The following BCL2L1 variants were observed in gnomAD, a reference collection of about 807,000 sequenced individuals.
The protein encoded by BCL2L1 is bcl-2-like protein 1.
Under a neutral mutation model 18.7 loss-of-function variants are expected in BCL2L1, and 1 was observed. The observed-to-expected ratio is 0.05, with a 90% CI of 0.02 to 0.25. The LOEUF (loss-of-function observed/expected upper bound fraction) is 0.25, where lower values mean the gene tolerates loss of function less well. Among genes scored for constraint, BCL2L1 ranks in the 10% least tolerant of loss-of-function variants. The probability of loss-of-function intolerance (pLI) is 1.00; values close to 1 mark genes in which losing one functional copy is unlikely to be tolerated. For missense variants in BCL2L1, 207 were observed against 304.9 expected (o/e 0.68, Z 2.39); for synonymous variants, 103 against 122.7 (o/e 0.84, Z 1.06).
chr20:31,688,563 C>A (rs976614413), intron 2 of BCL2L1, among the ~76,000 whole-genome samples: 1 of 152,134 alleles, frequency 6.6e-6, no homozygotes, highest in Non-Finnish European at 1.5e-5. Context: ...AAAAAAGATT[C>A]TCCTGTAAAC....
At chr20:31,723,836 G>A (rs1374852006), upstream of BCL2L1, 7 of 985,130 alleles carry the variant, frequency 7.1e-6, no homozygotes, top group African/African-American at 1.7e-5. Context: ...CCGCGGACCC[G>A]GGCCGGCCTA....
At chr20:31,668,400 A>G (rs1310507030) in intron 2 of BCL2L1, among the ~76,000 whole-genome samples, 2 of 151,840 alleles carry the variant, frequency 1.3e-5, no homozygotes, top group East Asian at 3.9e-4. Flanking sequence ...GCTCACAGCA[A>G]CCTTTGCTTC....
chr20:31,696,537 C>G (rs1383596738), intron 2 of BCL2L1, among the ~76,000 whole-genome samples: 1 of 152,184 alleles, frequency 6.6e-6, no homozygotes, highest in Non-Finnish European at 1.5e-5. Flanking sequence ...GGTGACTGTC[C>G]TTGCCACTGC....
intron 2 of BCL2L1, among the ~76,000 whole-genome samples, chr20:31,694,354 G>A (rs1226366071): frequency 6.6e-6 from 1 of 152,032 alleles, no homozygotes; most frequent in East Asian, 1.9e-4. Context: ...GGAAGTGGGT[G>A]GGCTGGGCTC....
chr20:31,701,780 T>C (rs1411010291), intron 2 of BCL2L1, among the ~76,000 whole-genome samples: 1 of 152,252 alleles, frequency 6.6e-6, no homozygotes, highest in Non-Finnish European at 1.5e-5. Flanking sequence ...AGAACACTAT[T>C]AATTCTCATT....
chr20:31,671,312 G>A (rs2060665505), intron 2 of BCL2L1, among the ~76,000 whole-genome samples: 1 of 151,990 alleles, frequency 6.6e-6, no homozygotes, highest in Non-Finnish European at 1.5e-5. Flanking sequence ...AGATGCCCAG[G>A]CTAGTATCAC....
At chr20:31,683,990 C>T (rs766309266) in intron 2 of BCL2L1, among the ~76,000 whole-genome samples, 2 of 152,086 alleles carry the variant, frequency 1.3e-5, no homozygotes, top group African/African-American at 4.8e-5. Flanking sequence ...ACTATTAAAA[C>T]AGAAAATGTC....
chr20:31,693,793 C>T (rs968538794), intron 2 of BCL2L1, among the ~76,000 whole-genome samples: 4 of 152,154 alleles, frequency 2.6e-5, no homozygotes, highest in African/African-American at 9.7e-5. Context: ...ACCTCAGCCT[C>T]CCAAGTGCTG....
chr20:31,687,394 G>C (rs1048430546), intron 2 of BCL2L1, among the ~76,000 whole-genome samples: 7 of 152,036 alleles, frequency 4.6e-5, no homozygotes, highest in African/African-American at 7.2e-5. Context: ...GCTCACGCCT[G>C]TAATCCCAGC....
intron 2 of BCL2L1, among the ~76,000 whole-genome samples, chr20:31,713,107 G>A (rs1324979461): frequency 6.6e-6 from 1 of 152,080 alleles, no homozygotes; most frequent in Non-Finnish European, 1.5e-5. Context: ...GATGACACAG[G>A]GCACCGCAAG....
chr20:31,673,238 A>G (rs2122469572), intron 2 of BCL2L1, among the ~76,000 whole-genome samples: 1 of 151,868 alleles, frequency 6.6e-6, no homozygotes, highest in Non-Finnish European at 1.5e-5. Context: ...ACACCTGGCT[A>G]ATTTTTTGTA....
At chr20:31,714,882 C>G (rs961071423) in intron 2 of BCL2L1, among the ~76,000 whole-genome samples, 3 of 152,194 alleles carry the variant, frequency 2.0e-5, no homozygotes, top group Non-Finnish European at 2.9e-5. Context: ...TCTCCAGTCC[C>G]CGTCTCACTA....
At chr20:31,670,834 T>C (rs1416898385) in intron 2 of BCL2L1, among the ~76,000 whole-genome samples, 3 of 152,132 alleles carry the variant, frequency 2.0e-5, no homozygotes, top group Non-Finnish European at 4.4e-5. Context: ...CACGACACAC[T>C]TGGAAATAAA....
chr20:31,672,251 G>A (rs2060682530), intron 2 of BCL2L1, among the ~76,000 whole-genome samples: 1 of 151,980 alleles, frequency 6.6e-6, no homozygotes, highest in Admixed American at 6.6e-5. Flanking sequence ...GATCACCTGA[G>A]GTCAGGAGTT....
At chr20:31,718,879 C>T (rs769701773) in intron 2 of BCL2L1, among the ~76,000 whole-genome samples, 1 of 152,154 alleles carries the variant, frequency 6.6e-6, no homozygotes, top group Non-Finnish European at 1.5e-5. Context: ...TTGCTTGGCC[C>T]AACAGCATCT....
chr20:31,676,763 G>A (rs371604485), intron 2 of BCL2L1, among the ~76,000 whole-genome samples: 6 of 152,166 alleles, frequency 3.9e-5, no homozygotes, highest in Non-Finnish European at 7.3e-5. Context: ...CAGTGGGTCT[G>A]TTTCATTCTG....
chr20:31,720,718 C>A (rs2061609878), intron 2 of BCL2L1: 1 of 983,734 alleles, frequency 1.0e-6, no homozygotes, highest in Non-Finnish European at 1.2e-6. Context: ...AAGAAAGTAA[C>A]CCAGCCTGTC....
chr20:31,702,411 T>C (rs922668912), intron 2 of BCL2L1, among the ~76,000 whole-genome samples: 2 of 152,062 alleles, frequency 1.3e-5, no homozygotes, highest in African/African-American at 4.8e-5. Flanking sequence ...GGTGGGCAGA[T>C]CACGAGGTCA....
chr20:31,667,869 C>T (rs2060610802), intron 2 of BCL2L1, among the ~76,000 whole-genome samples: 1 of 152,158 alleles, frequency 6.6e-6, no homozygotes, highest in South Asian at 2.1e-4. Context: ...CTGAAGGAAT[C>T]CTCAACATTA....
Sources: gnomAD v4.1 joint callset for allele counts (sites outside exome capture counted in the v4.1 genomes callset) on GRCh38, gnomAD v4.1.1 for gene constraint, MANE v1.5 for transcripts, NCBI Gene and HGNC (gene_info 2026-07-23, HGNC 2026-07-21) for gene names.